The following ADCY10 variants were observed in gnomAD, a reference collection of about 807,000 sequenced individuals.
ADCY10 encodes adenylate cyclase 10.
In ADCY10, 156 loss-of-function variants were observed where a neutral mutation model predicts 183.3. That is an observed-to-expected ratio of 0.85 (90% CI 0.75 to 0.97). The LOEUF (loss-of-function observed/expected upper bound fraction) is 0.97. ADCY10 is among the 50% of genes least tolerant of loss of function. The probability of loss-of-function intolerance (pLI) is 0.00; values close to 1 mark genes in which losing one functional copy is unlikely to be tolerated. For missense variants in ADCY10, 1,745 were observed against 1,934.3 expected, an observed-to-expected ratio of 0.90 and a Z score of 1.84; for synonymous variants, 645 against 670.0, an observed-to-expected ratio of 0.96 and a Z score of 0.58.
chr1:167,882,334 A>T (rs1667917733), intron 9 of ADCY10, among the ~76,000 whole-genome samples: 1 of 151,874 alleles, frequency 6.6e-6, no homozygotes, highest in Admixed American at 6.6e-5. Flanking sequence ...AAAATACAAA[A>T]ATTAGCCAGG....
At chr1:167,859,175 T>C (rs531236644) in intron 16 of ADCY10, among the ~76,000 whole-genome samples, 3 of 152,188 alleles carry the variant, frequency 2.0e-5, no homozygotes, top group Non-Finnish European at 4.4e-5. Context: ...AAGTGGAATA[T>C]ATACAAGGCT....
At chr1:167,860,721 G>C in intron 15 of ADCY10, 150 bp downstream of exon 15, 1 of 675,120 alleles carries the variant, frequency 1.5e-6, no homozygotes, top group South Asian at 1.7e-5. Flanking sequence ...GAATGTTGAT[G>C]CACATCCAGA....
At position 167,888,875 on chromosome 1, in the gene ADCY10, C is replaced by CAAAAAAAAAAA. The variant is rs748603972; in HGVS notation, c.828+4967_828+4977dup. Among the ~76,000 whole-genome samples, 2 of 94,148 alleles carry CAAAAAAAAAAA rather than the reference C, an allele frequency of 2.1e-5. 1 individual carries two copies. The highest frequency in any genetic ancestry group is 4.1e-5 in the Non-Finnish European group (2 of 48,784). The allele number at this position is 94,148 out of a possible 152,430, so 61.8% of individuals were successfully genotyped here. A position where few individuals can be genotyped will look rare whatever the true frequency, so the allele number is the denominator to read the frequency against. On this transcript the variant is annotated intron_variant, in intron 8 of 32. Transcript: ENST00000367851. ...TGGGCGAAAGAGGGAGACTCCGTCT[C>CAAAAAAAAAAA]AAAAAAAAAAAAAAAGAAAAAGAAA...
chr1:167,849,093 C>T (rs1045061940), intron 18 of ADCY10, among the ~76,000 whole-genome samples: 7 of 152,102 alleles, frequency 4.6e-5, no homozygotes, highest in African/African-American at 1.7e-4. Context: ...GTTTGATTCA[C>T]AGTCAGATTA....
chr1:167,829,165 T>A, intron 26 of ADCY10, 102 bp downstream of exon 26: 1 of 1,396,920 alleles, frequency 7.2e-7, no homozygotes, highest in Non-Finnish European at 1.0e-6. Context: ...AAGCCTTCTA[T>A]TATTATATCC....
intron 6 of ADCY10, among the ~76,000 whole-genome samples, chr1:167,897,568 AT>A (rs869037462): frequency 0.12 from 1 of 8 alleles, no homozygotes; most frequent in African/African-American, 0.25. Context: ...TGCAGAAGAG[AT>A]GAGAGAAAGC....
rs776188642 is a variant in ADCY10 at position 167,902,010 on chromosome 1, C to T, written c.292+6G>A. ...TTACCCCTTCTATCTTAGTAAGCCC[C>T]CATACCTGCAAATTTCAGGATGTCT... On this transcript the variant is annotated splice_donor_region_variant and intron_variant, in intron 4 of 32. Transcript: ENST00000367851. 12 of 1,613,820 alleles carry T rather than the reference C, an allele frequency of 7.4e-6. No individual in the cohort carries two copies. The highest frequency in any genetic ancestry group is 9.3e-6 in the Non-Finnish European group (11 of 1,179,944).
chr1:167,883,867 AAC>A (rs1668039648), intron 8 of ADCY10, among the ~76,000 whole-genome samples: 2 of 152,180 alleles, frequency 1.3e-5, no homozygotes, highest in Non-Finnish European at 2.9e-5. Context: ...CCATTACCCC[AAC>A]TGCTGGCTTC....
At position 167,905,036 on chromosome 1, in the gene ADCY10, A is replaced by G. The variant is rs1426613481; in HGVS notation, c.105T>C (p.Phe35=). 4 of 1,614,060 alleles carry G rather than the reference A, an allele frequency of 2.5e-6. No homozygotes were observed. The highest frequency in any genetic ancestry group is 3.4e-6 in the Non-Finnish European group (4 of 1,180,032). The change falls in exon 2 of 33, where the codon TTT becomes TTC. Residue 35 remains phenylalanine (F), a synonymous_variant. Transcript: ENST00000367851. ...VYGHFSPERP[F]MDYFDGVLMF... The stretch of plus-strand genomic sequence containing the variant: ...TCAGGACTCCGTCAAAATAATCCAT[A>G]AAGGGTCGCTCTGGGGAGAAATGTC...
intron 23 of ADCY10, 111 bp downstream of exon 23, chr1:167,836,198 G>T (rs1402731431): frequency 2.6e-6 from 2 of 754,756 alleles, no homozygotes; most frequent in African/African-American, 1.7e-5. Flanking sequence ...AAGGGGTGCT[G>T]TCGGGAATAT....
chr1:167,898,191 G>A (rs936688538), intron 6 of ADCY10, among the ~76,000 whole-genome samples: 2 of 151,516 alleles, frequency 1.3e-5, no homozygotes, highest in Admixed American at 6.6e-5. Context: ...TATGAAAGAT[G>A]TTAACATTAG....
Position 167,837,458 on chromosome 1 carries a change from T to C in ADCY10, c.3008-140A>G, listed in dbSNP as rs1034464. 556,030 of 716,192 alleles carry C rather than the reference T, an allele frequency of 0.78. 217,545 individuals carry two copies. Among genetic ancestry groups the C allele is most frequent in the African/African-American group, 0.95 (54,215 of 57,248 alleles). 44.4% of individuals were successfully genotyped at this position (716,192 alleles called of 1,614,324 possible). A position where few individuals can be genotyped will look rare whatever the true frequency, so the allele number is the denominator to read the frequency against. On this transcript the variant is annotated intron_variant, in intron 21 of 32. Coordinates refer to ENST00000367851, the MANE Select transcript of ADCY10 (RefSeq NM_018417.6). ...AAACCACATTGCCTAGTCCCCATTG[T>C]ATCTTAGGTGAAGCCACGTGATGAG...
intron 16 of ADCY10, among the ~76,000 whole-genome samples, chr1:167,859,080 A>G (rs1666107185): frequency 6.6e-6 from 1 of 152,228 alleles, no homozygotes; most frequent in Non-Finnish European, 1.5e-5. Flanking sequence ...ATCAAGGATC[A>G]GGATCAGGAT....
In ADCY10 at chr1:167,843,023, C is replaced by T. The variant is rs564077748; in HGVS notation, c.3007+2540G>A. On this transcript the variant is annotated intron_variant, in intron 21 of 32. Transcript: ENST00000367851. Reference sequence around the variant, plus strand: ...ACAAAGTCTCTAAAGTTTGTCGAGTCGATAGCCTTCTGAACAGGTGAAAAA... The same window carrying T: ...ACAAAGTCTCTAAAGTTTGTCGAGTTGATAGCCTTCTGAACAGGTGAAAAA... 1.6e-4 allele frequency among the ~76,000 whole-genome samples: 25 copies of T among 152,086 alleles called. 1 individual carries two copies. The highest frequency in any genetic ancestry group is 2.9e-4 in the Non-Finnish European group (20 of 68,026).
At chr1:167,832,498 C>G (rs990931268) in intron 25 of ADCY10, among the ~76,000 whole-genome samples, 6 of 152,122 alleles carry the variant, frequency 3.9e-5, no homozygotes, top group African/African-American at 1.4e-4. Context: ...CGGATACCCC[C>G]CATGTAACCC....
chr1:167,834,404 T>G (rs1316362099), intron 23 of ADCY10: 2 of 412,956 alleles, frequency 4.8e-6, no homozygotes, highest in South Asian at 4.7e-5. Flanking sequence ...CTCTCAATAA[T>G]TCTATCCCCA....
chr1:167,824,782 T>C lies in ADCY10; in HGVS notation c.3824A>G (p.Glu1275Gly), dbSNP rs904698992. Residue 1275 changes from glutamate to glycine, a missense_variant, in exon 27 of 33, where the codon GAA (glutamate) becomes GGA (glycine). Physicochemically the swap from Glu to Gly is moderately conservative, Grantham distance 98 (BLOSUM62 -2). Transcript: ENST00000367851. ...AGYKGVWFKYEVMAMEHIFNL... is the reference protein window; with the variant it reads ...AGYKGVWFKYGVMAMEHIFNL... ...GAAGATGTGCTCCATGGCCATGACT[T>C]CATATTTGAACCACACACCTTTGTA... The C allele has an allele frequency of 1.9e-6, 3 of 1,614,182 alleles. No individual in the cohort carries two copies. The Admixed American group carries it at 5.0e-5, about 27-fold the overall frequency.
In ADCY10 at chr1:167,818,274, T is replaced by G; in HGVS notation, c.4287-7A>C. On this transcript the variant is annotated splice_region_variant and splice_polypyrimidine_tract_variant and intron_variant, in intron 30 of 32. Coordinates refer to ENST00000367851, the MANE Select transcript of ADCY10 (RefSeq NM_018417.6). ...TTCCTGAAGTCTGGCATACCTGCATTACCACAAGAGAATAAGAAAAATCAG... is the reference window on the plus strand; with the variant it reads ...TTCCTGAAGTCTGGCATACCTGCATGACCACAAGAGAATAAGAAAAATCAG... The G allele has an allele frequency of 6.2e-7, 1 of 1,612,726 alleles. No individual in the cohort carries two copies. Among genetic ancestry groups the G allele is most frequent in the Non-Finnish European group, 8.5e-7 (1 of 1,178,724 alleles).
chr1:167,857,803 G>T (rs1666013023), intron 16 of ADCY10, among the ~76,000 whole-genome samples: 1 of 152,302 alleles, frequency 6.6e-6, no homozygotes, highest in South Asian at 2.1e-4. Flanking sequence ...GATAGTTAAT[G>T]GTCCAAAGAC....
Sources: allele counts gnomAD v4.1 joint callset (sites outside exome capture counted in the v4.1 genomes callset), GRCh38; gene constraint gnomAD v4.1.1; transcripts MANE v1.5; gene names NCBI Gene and HGNC (gene_info 2026-07-23, HGNC 2026-07-21).